The following ERGIC3 variants were observed in gnomAD, a reference collection of about 807,000 sequenced individuals.
ERGIC3 encodes the protein endoplasmic reticulum-Golgi intermediate compartment protein 3.
In ERGIC3, 33 loss-of-function variants were observed where a neutral mutation model predicts 54.7. That is an observed-to-expected ratio of 0.60 (90% CI 0.46 to 0.81). The LOEUF (loss-of-function observed/expected upper bound fraction) is 0.81, where lower values mean the gene tolerates loss of function less well. Among genes scored for constraint, ERGIC3 ranks in the 30% least tolerant of loss-of-function variants. The probability of loss-of-function intolerance (pLI) is 0.00; values close to 1 mark genes in which losing one functional copy is unlikely to be tolerated. For synonymous variants in ERGIC3, 186 were observed against 189.8 expected (o/e 0.98, Z 0.16); for missense variants, 399 against 488.4 (o/e 0.82, Z 1.73).
chr20:35,555,428 TCA>T (rs2064705700), intron 8 of ERGIC3, among the ~76,000 whole-genome samples: 1 of 152,182 alleles, frequency 6.6e-6, no homozygotes, highest in Non-Finnish European at 1.5e-5. Context: ...CGCTGAGGAA[TCA>T]CATCTTTCTC....
chr20:35,546,932 T>A (rs1381802515), intron 4 of ERGIC3, among the ~76,000 whole-genome samples: 1 of 152,060 alleles, frequency 6.6e-6, no homozygotes, highest in Non-Finnish European at 1.5e-5. Flanking sequence ...TCACCAGTTA[T>A]GATGGGGTGA....
intron 4 of ERGIC3, among the ~76,000 whole-genome samples, chr20:35,546,037 A>G (rs1444771101): frequency 2.0e-5 from 3 of 152,244 alleles, no homozygotes; most frequent in African/African-American, 7.2e-5. Context: ...ATTGACGTAG[A>G]AGAACCAAGA....
chr20:35,554,521 G>C, intron 7 of ERGIC3: 4 of 901,648 alleles, frequency 4.4e-6, no homozygotes, highest in Non-Finnish European at 7.1e-6. Context: ...TAAAAGGTCT[G>C]GGATGTATCT....
chr20:35,547,319 A>G, intron 4 of ERGIC3, 93 bp from the exon 5 acceptor site: 1 of 898,510 alleles, frequency 1.1e-6, no homozygotes, highest in Non-Finnish European at 1.8e-6. Flanking sequence ...TATAACTTTT[A>G]TTATCCCTAA....
intron 7 of ERGIC3, among the ~76,000 whole-genome samples, chr20:35,553,745 C>T (rs1001569511): frequency 1.3e-5 from 2 of 152,110 alleles, no homozygotes; most frequent in African/African-American, 2.4e-5. Context: ...AGAAAAGGGT[C>T]TTGCTGGGAG....
At chr20:35,544,058 CTAT>C in intron 4 of ERGIC3, 1 of 219,878 alleles carries the variant, frequency 4.5e-6, no homozygotes, top group South Asian at 7.1e-5. Context: ...ATCTATCTAT[CTAT>C]CTGTCTATCT....
chr20:35,554,774 C>T (rs1403831581), intron 7 of ERGIC3: 3 of 599,876 alleles, frequency 5.0e-6, no homozygotes, highest in African/African-American at 3.7e-5. Context: ...CAGGCAGGGC[C>T]ATGGTGGTAG....
chr20:35,548,716 G>A (rs1273589416), intron 6 of ERGIC3, 42 bp downstream of exon 6: 1 of 1,614,146 alleles, frequency 6.2e-7, no homozygotes, highest in Admixed American at 1.7e-5. Context: ...AGCTGGGCTG[G>A]GCAAGCTCCA....
chr20:35,555,902 T>C lies in ERGIC3; in HGVS notation c.718-131T>C. On this transcript the variant is annotated intron_variant, in intron 8 of 12. Transcript: ENST00000348547. ...TTCTAGGCAGGGAATGGGGGATTCT[T>C]ATCTCGGGGAGGTTGTCCCCTTAGG... 3 of 758,916 alleles carry C rather than the reference T, an allele frequency of 4.0e-6. No individual in the cohort carries two copies. The East Asian group carries it at 7.9e-5, about 20-fold the overall frequency. The allele number at this position is 758,916 out of a possible 1,614,324, so 47.0% of individuals were successfully genotyped here. A position where few individuals can be genotyped will look rare whatever the true frequency, so the allele number is the denominator to read the frequency against.
intron 1 of ERGIC3, 62 bp downstream of exon 1, chr20:35,542,247 C>A: frequency 6.2e-7 from 1 of 1,610,996 alleles, no homozygotes; most frequent in East Asian, 2.2e-5. Flanking sequence ...GCCCGGGCTC[C>A]TGGACTCTGA....
chr20:35,554,285 T>G, intron 7 of ERGIC3: 1 of 1,533,650 alleles, frequency 6.5e-7, no homozygotes, highest in Non-Finnish European at 9.0e-7. Context: ...TGTTCCAGTC[T>G]TCCCTCCTGC....
intron 4 of ERGIC3, chr20:35,543,916 G>T (rs1270565562): frequency 9.1e-6 from 3 of 330,346 alleles, no homozygotes; most frequent in African/African-American, 6.5e-5. Context: ...AGTTTCCCTG[G>T]GTCAGGAATT....
intron 4 of ERGIC3, chr20:35,543,310 G>T: frequency 3.0e-6 from 1 of 338,584 alleles, no homozygotes; most frequent in South Asian, 2.4e-5. Flanking sequence ...AGCCCTTAAT[G>T]CTCTTCCCCT....
Position 35,557,520 on chromosome 20 carries a change from C to A in ERGIC3, c.*16C>A. ...GACAACGTAGTCACCCTCGGTGCTTCCTCTGTCTCCTCTTTCTCCCTGGCC... is the reference window on the plus strand; with the variant it reads ...GACAACGTAGTCACCCTCGGTGCTTACTCTGTCTCCTCTTTCTCCCTGGCC... On this transcript the variant is annotated 3_prime_UTR_variant, in exon 13 of 13. Coordinates refer to ENST00000348547, the MANE Select transcript of ERGIC3 (RefSeq NM_015966.3). The A allele has an allele frequency of 1.2e-6, 2 of 1,610,252 alleles. No individual in the cohort carries two copies. The highest frequency in any genetic ancestry group is 1.7e-6 in the Non-Finnish European group (2 of 1,176,724).
At chr20:35,543,457 T>C (rs2064628641) in intron 4 of ERGIC3, 1 of 366,478 alleles carries the variant, frequency 2.7e-6, no homozygotes, top group Admixed American at 3.5e-5. Context: ...CACATGGAAT[T>C]GTAAGATCAA....
At position 35,557,631 on chromosome 20, in the gene ERGIC3, A is replaced by C; in HGVS notation, c.*127A>C. On this transcript the variant is annotated 3_prime_UTR_variant, in exon 13 of 13. Transcript: ENST00000348547. Reference sequence around the variant, plus strand: ...GATAAATCTATTGATTGATTGTGATAGTACTCACTGGTCTCCGTGTGATCC... The same window carrying C: ...GATAAATCTATTGATTGATTGTGATCGTACTCACTGGTCTCCGTGTGATCC... The C allele has an allele frequency of 1.3e-6, 1 of 777,738 alleles. No individual in the cohort carries two copies. The allele number at this position is 777,738 out of a possible 1,614,324, so 48.2% of individuals were successfully genotyped here.
chr20:35,552,115 G>T (rs2064685056), intron 7 of ERGIC3, among the ~76,000 whole-genome samples: 1 of 152,208 alleles, frequency 6.6e-6, no homozygotes, highest in Admixed American at 6.5e-5. Flanking sequence ...TATGTGGAAA[G>T]TCCAAACTTA....
intron 4 of ERGIC3, 68 bp downstream of exon 4, chr20:35,543,009 G>A (rs376095936): frequency 3.7e-6 from 6 of 1,606,200 alleles, no homozygotes; most frequent in East Asian, 2.2e-5. Context: ...CTGCTAGCAA[G>A]TGAACTGTGG....
At chr20:35,554,613 C>T (rs924254969) in intron 7 of ERGIC3, among the ~76,000 whole-genome samples, 1 of 152,142 alleles carries the variant, frequency 6.6e-6, no homozygotes, top group South Asian at 2.1e-4. Context: ...GTACAGGGTC[C>T]CCATGGGATT....
Sources: allele counts gnomAD v4.1 joint callset (sites outside exome capture counted in the v4.1 genomes callset), GRCh38; gene constraint gnomAD v4.1.1; transcripts MANE v1.5; gene names NCBI Gene and HGNC (gene_info 2026-07-23, HGNC 2026-07-21).